The following COBLL1 variants were observed in gnomAD, a reference collection of about 807,000 sequenced individuals.
The protein encoded by COBLL1 is cordon-bleu WH2 repeat protein like 1, also known as cordon-bleu protein-like 1.
Under a neutral mutation model 94.8 loss-of-function variants are expected in COBLL1, and 50 were observed. The observed-to-expected ratio is 0.53, with a 90% CI of 0.42 to 0.67. The LOEUF is 0.67. Among genes scored for constraint, COBLL1 ranks in the 30% least tolerant of loss-of-function variants. The pLI, the probability that COBLL1 is intolerant of heterozygous loss-of-function variation, is 0.00. For missense variants in COBLL1, 1,362 were observed against 1,348.7 expected (o/e 1.01, Z -0.15); for synonymous variants, 448 against 473.8 (o/e 0.95, Z 0.71).
chr2:164,749,930 C>A (rs1687047560), intron 2 of COBLL1, among the ~76,000 whole-genome samples: 1 of 152,298 alleles, frequency 6.6e-6, no homozygotes, highest in South Asian at 2.1e-4. Flanking sequence ...CTTCCCTTGG[C>A]TTCTTCATGT....
At chr2:164,793,569 A>G (rs1215775717) in intron 2 of COBLL1, among the ~76,000 whole-genome samples, 1 of 152,172 alleles carries the variant, frequency 6.6e-6, no homozygotes, top group Non-Finnish European at 1.5e-5. Flanking sequence ...CCTTTTTGCT[A>G]TCTTCAAAAA....
intron 7 of COBLL1, among the ~76,000 whole-genome samples, chr2:164,711,345 G>C (rs896699902): frequency 4.6e-5 from 7 of 152,158 alleles, no homozygotes; most frequent in African/African-American, 1.7e-4. Context: ...ACAGATGTTG[G>C]AGTAAAAAGC....
At chr2:164,723,681 ACT>A (rs1685572956) in intron 5 of COBLL1, 1 of 151,772 alleles carries the variant, frequency 6.6e-6, no homozygotes. Flanking sequence ...AAAAAAAAAA[ACT>A]CTTTTTTCAC....
At position 164,783,695 on chromosome 2, in the gene COBLL1, A is replaced by C. The variant is rs185566781; in HGVS notation, c.42-39820T>G. Among the ~76,000 whole-genome samples the C allele has an allele frequency of 4.7e-4, 71 of 151,962 alleles. No homozygotes were observed. In the East Asian group the frequency reaches 0.014, roughly 29 times the overall value. ...TAAAACCATCACACTGGCCAGGCGC[A>C]GTGATTCATGCCTATAAATCCCAGC... On this transcript the variant is annotated intron_variant, in intron 2 of 13. Transcript: ENST00000652658.
intron 3 of COBLL1, among the ~76,000 whole-genome samples, chr2:164,737,915 C>A (rs1015635049): frequency 6.6e-6 from 1 of 152,114 alleles, no homozygotes; most frequent in East Asian, 1.9e-4. Context: ...GTAAATCAGG[C>A]TGAAAAGCAT....
chr2:164,692,230 T>C lies in COBLL1; in HGVS notation c.3291A>G (p.Lys1097=), dbSNP rs1683640901. The C allele has an allele frequency of 6.2e-7, 1 of 1,600,944 alleles. No individual in the cohort carries two copies. Residue 1097 remains lysine (K), a synonymous_variant, in exon 13 of 14, where the codon AAA becomes AAG. Transcript: ENST00000652658. ...TAIRSGEAAA[K]LKRVTIPSNT... ...GATAAAGAAGACTTACCCTTTTCAA[T>C]TTGGCAGCAGCCTCTCCCGAACGGA... is the stretch of plus-strand genomic sequence containing the variant.
At position 164,682,772 on chromosome 2, in the gene COBLL1, A is replaced by T. The variant is rs556143161; in HGVS notation, c.*3174T>A. ...AGAAGAGAAAATGAAGCATAGAGAA[A>T]GTAATTTGCCCAAGATCCCATGACT... is the stretch of plus-strand genomic sequence containing the variant. On this transcript the variant is annotated 3_prime_UTR_variant, in exon 14 of 14. Coordinates refer to ENST00000652658, the MANE Select transcript of COBLL1 (RefSeq NM_001365672.2). 1.1e-4 allele frequency: 17 copies of T among 152,232 alleles called. No individual in the cohort carries two copies. In the South Asian group the frequency reaches 3.5e-3, roughly 32 times the overall value. 9.4% of individuals were successfully genotyped at this position (152,232 alleles called of 1,614,324 possible).
At chr2:164,831,708 C>A (rs986741426) in intron 2 of COBLL1, among the ~76,000 whole-genome samples, 4 of 151,966 alleles carry the variant, frequency 2.6e-5, no homozygotes, top group Non-Finnish European at 1.5e-5. Flanking sequence ...ATTATGGGAG[C>A]TGCCACAGAC....
In COBLL1 at chr2:164,728,136, G is replaced by A; in HGVS notation, c.494C>T (p.Pro165Leu). ...KTQKTIVRVSPHASLQELAPI... is the reference protein window; with the variant it reads ...KTQKTIVRVSLHASLQELAPI... ...GGCAAGCTCTTGAAGCGATGCATGT[G>A]GACTCACTCTCACTATGGTCTTCTG... Residue 165 changes from proline (P) to leucine (L), a missense_variant, in exon 5 of 14, where the codon CCA becomes CTA. Physicochemically the swap from Pro to Leu is moderately conservative, Grantham distance 98. Coordinates refer to ENST00000652658, the MANE Select transcript of COBLL1 (RefSeq NM_001365672.2). 1 of 1,613,586 alleles carries A rather than the reference G, an allele frequency of 6.2e-7. No individual in the cohort carries two copies. Among genetic ancestry groups the A allele is most frequent in the South Asian group, 1.1e-5 (1 of 91,066 alleles).
intron 13 of COBLL1, among the ~76,000 whole-genome samples, chr2:164,691,424 GAAT>G (rs1457986237): frequency 2.6e-5 from 4 of 152,170 alleles, no homozygotes; most frequent in African/African-American, 9.7e-5. Flanking sequence ...GGAGTTAATG[GAAT>G]AATAAGTACT....
chr2:164,772,301 G>A lies in COBLL1; in HGVS notation c.42-28426C>T, dbSNP rs551085370. Among the ~76,000 whole-genome samples the A allele has an allele frequency of 1.2e-3, 175 of 152,014 alleles. 1 individual carries two copies. The highest frequency in any genetic ancestry group is 4.1e-3 in the African/African-American group (171 of 41,508). On this transcript the variant is annotated intron_variant, in intron 2 of 13. Coordinates refer to ENST00000652658, the MANE Select transcript of COBLL1 (RefSeq NM_001365672.2). ...TCTTTATCAGCAAAATTTGGAAAAT[G>A]TAAATCTCATGTATTTATTTTTATA...
At chr2:164,758,248 A>G (rs959202409) in intron 2 of COBLL1, among the ~76,000 whole-genome samples, 8 of 151,972 alleles carry the variant, frequency 5.3e-5, no homozygotes, top group African/African-American at 1.9e-4. Context: ...CAACTAAACA[A>G]TGGCAAAGAT....
chr2:164,673,204 A>G (rs1574390029), intron 1 of COBLL1, among the ~76,000 whole-genome samples: 1 of 152,332 alleles, frequency 6.6e-6, no homozygotes, highest in South Asian at 2.1e-4. Flanking sequence ...AAAATGGAAA[A>G]AAGTAATAAA....
chr2:164,682,296 G>A lies in COBLL1; in HGVS notation c.*3650C>T, dbSNP rs1310982596. 5 of 152,080 alleles carry A rather than the reference G, an allele frequency of 3.3e-5. No homozygotes were observed. Among genetic ancestry groups the A allele is most frequent in the Admixed American group, 3.3e-4 (5 of 15,260 alleles). 9.4% of individuals were successfully genotyped at this position (152,080 alleles called of 1,614,324 possible). A position where few individuals can be genotyped will look rare whatever the true frequency, so the allele number is the denominator to read the frequency against. On this transcript the variant is annotated 3_prime_UTR_variant, in exon 14 of 14. Transcript: ENST00000652658. ...GAAATCTTCACTATGACCTCTAATT[G>A]CAAGTTCTTTTCTTTCAAGTCAGTT...
intron 7 of COBLL1, among the ~76,000 whole-genome samples, chr2:164,710,683 C>G (rs1224234315): frequency 6.6e-6 from 1 of 151,744 alleles, no homozygotes; most frequent in Non-Finnish European, 1.5e-5. Context: ...TCTGACTCAG[C>G]CTCCCGAGTA....
chr2:164,818,146 A>G (rs1034371938), intron 2 of COBLL1, among the ~76,000 whole-genome samples: 3 of 151,508 alleles, frequency 2.0e-5, no homozygotes, highest in African/African-American at 7.3e-5. Flanking sequence ...ATGTATATGT[A>G]CATGTATACG....
chr2:164,688,192 A>G (rs1480344897), intron 13 of COBLL1, among the ~76,000 whole-genome samples: 1 of 152,214 alleles, frequency 6.6e-6, no homozygotes, highest in African/African-American at 2.4e-5. Context: ...CTTACAGAGC[A>G]ACCTATCAAG....
rs533405790 is a variant in COBLL1, at chr2:164,685,870, C to T, written c.*76G>A. 9 of 769,806 alleles carry T rather than the reference C, an allele frequency of 1.2e-5. No individual in the cohort carries two copies. The South Asian group carries it at 1.6e-4, about 14-fold the overall frequency. 47.7% of individuals were successfully genotyped at this position (769,806 alleles called of 1,614,324 possible). A position where few individuals can be genotyped will look rare whatever the true frequency, so the allele number is the denominator to read the frequency against. The stretch of plus-strand genomic sequence containing the variant: ...ATATATTAGTGTACATCTGAATATA[C>T]ATTTGCCAAAATGTTCCATTAGTAT... On this transcript the variant is annotated 3_prime_UTR_variant, in exon 14 of 14. Transcript: ENST00000652658.
At chr2:164,687,226 TTG>T in intron 13 of COBLL1, 3 of 404,182 alleles carry the variant, frequency 7.4e-6, no homozygotes, top group South Asian at 5.6e-5. Context: ...TTTTTTTTTT[TTG>T]GAGAGGAAGT....
Sources: gnomAD v4.1 joint callset for allele counts (sites outside exome capture counted in the v4.1 genomes callset) on GRCh38, gnomAD v4.1.1 for gene constraint, MANE v1.5 for transcripts, NCBI Gene and HGNC (gene_info 2026-07-23, HGNC 2026-07-21) for gene names.